DAPK2: variants seen among roughly 807,000 people sequenced by gnomAD.
The protein encoded by DAPK2 is death associated protein kinase 2.
A neutral mutation model predicts 44.1 loss-of-function variants in DAPK2; 35 were observed. The observed-to-expected ratio is 0.79, with a 90% CI of 0.61 to 1.05. The LOEUF (loss-of-function observed/expected upper bound fraction) is 1.05, where lower values mean the gene tolerates loss of function less well. Among genes scored for constraint, DAPK2 ranks in the 50% least tolerant of loss-of-function variants. The probability of loss-of-function intolerance (pLI) is 0.00; values close to 1 mark genes in which losing one functional copy is unlikely to be tolerated. For missense variants in DAPK2, 453 were observed against 483.2 expected, an observed-to-expected ratio of 0.94 and a Z score of 0.59; for synonymous variants, 174 against 182.6, an observed-to-expected ratio of 0.95 and a Z score of 0.38.
chr15:63,925,676 G>GCT (rs1555463543), intron 7 of DAPK2, among the ~76,000 whole-genome samples: 1 of 51,324 alleles, frequency 1.9e-5, no homozygotes, highest in Non-Finnish European at 4.2e-5. Context: ...CTGACTTGTA[G>GCT]CGCACACACA....
chr15:63,908,464 A>G lies in DAPK2; in HGVS notation c.*56T>C. ...CTGAGCTGGGTCCAAAAGTCTGCACAGAAGGGAGCCCCGCTGGGCCCAGAC... is the reference window on the plus strand; with the variant it reads ...CTGAGCTGGGTCCAAAAGTCTGCACGGAAGGGAGCCCCGCTGGGCCCAGAC... On this transcript the variant is annotated 3_prime_UTR_variant, in exon 11 of 11. Coordinates refer to ENST00000261891, the Ensembl canonical transcript of DAPK2. The surrounding 1 kb of genome is among the most constrained non-coding windows in gnomAD (Gnocchi z 5.7). 7.7e-7 allele frequency: 1 copy of G among 1,291,858 alleles called. No individual in the cohort carries two copies. 80.0% of individuals were successfully genotyped at this position (1,291,858 alleles called of 1,614,324 possible). A position where few individuals can be genotyped will look rare whatever the true frequency, so the allele number is the denominator to read the frequency against.
At chr15:64,044,989 A>G (rs966239246), upstream of DAPK2, among the ~76,000 whole-genome samples, 6 of 152,164 alleles carry the variant, frequency 3.9e-5, no homozygotes, top group African/African-American at 1.4e-4. Flanking sequence ...GACCCATCAC[A>G]GTCTCCAATG....
chr15:63,997,950 T>G (rs1447791550), intron 1 of DAPK2, among the ~76,000 whole-genome samples: 1 of 152,232 alleles, frequency 6.6e-6, no homozygotes, highest in African/African-American at 2.4e-5. Flanking sequence ...TCCACACAAG[T>G]GCCCACAATG....
intron 1 of DAPK2, among the ~76,000 whole-genome samples, chr15:64,034,480 G>A (rs1595919895): frequency 6.6e-6 from 1 of 152,332 alleles, no homozygotes; most frequent in Non-Finnish European, 1.5e-5. Context: ...TGCAGGTTGG[G>A]TGTCTGGCAG....
chr15:64,021,871 T>C (rs2079692826), intron 1 of DAPK2, among the ~76,000 whole-genome samples: 1 of 152,162 alleles, frequency 6.6e-6, no homozygotes, highest in Non-Finnish European at 1.5e-5. Flanking sequence ...ATAAAAAGGC[T>C]TGGACTAAGC....
At position 63,916,527 on chromosome 15, in the gene DAPK2, C is replaced by G. The variant is rs369377559; in HGVS notation, c.859-4330G>C. ...GTGGCACCCCTCCACCCCTCCCCTTCGCTGGATGTTTTGATGGCTGAAGCC... is the reference window on the plus strand; with the variant it reads ...GTGGCACCCCTCCACCCCTCCCCTTGGCTGGATGTTTTGATGGCTGAAGCC... On this transcript the variant is annotated intron_variant, in intron 8 of 10. Coordinates refer to ENST00000261891, the Ensembl canonical transcript of DAPK2. The surrounding 1 kb of genome is among the most constrained non-coding windows in gnomAD (Gnocchi z 4.7). The G allele has an allele frequency of 6.6e-6, 1 of 152,386 alleles. No homozygotes were observed. The highest frequency in any genetic ancestry group is 1.5e-5 in the Non-Finnish European group (1 of 68,176). 9.4% of individuals were successfully genotyped at this position (152,386 alleles called of 1,614,324 possible).
chr15:63,957,754 C>A (rs1018143416), intron 3 of DAPK2, among the ~76,000 whole-genome samples: 1 of 152,096 alleles, frequency 6.6e-6, no homozygotes, highest in Non-Finnish European at 1.5e-5. Flanking sequence ...TCCATTCTAT[C>A]ATCGATGGAC....
intron 3 of DAPK2, among the ~76,000 whole-genome samples, chr15:63,944,013 C>A (rs2077386174): frequency 6.6e-6 from 1 of 152,166 alleles, no homozygotes. Context: ...CCCCAGGGTG[C>A]CTTTTCTTCT....
At chr15:63,922,674 G>T in intron 8 of DAPK2, 1 of 1,460,270 alleles carries the variant, frequency 6.8e-7, no homozygotes, top group Non-Finnish European at 9.0e-7. Context: ...GCCGCAGCAG[G>T]GTGGATGAGA....
intron 7 of DAPK2, 59 bp from the exon 9 acceptor site, chr15:63,924,920 T>C (rs2079197146): frequency 1.9e-6 from 3 of 1,577,714 alleles, no homozygotes; most frequent in Non-Finnish European, 2.6e-6. Flanking sequence ...GGAGCAACCA[T>C]CTCCGTTCTC....
chr15:64,045,088 G>C (rs1339691128), upstream of DAPK2, among the ~76,000 whole-genome samples: 3 of 152,184 alleles, frequency 2.0e-5, no homozygotes, highest in Non-Finnish European at 4.4e-5. Context: ...AGCTCCCTTG[G>C]GAAGCCTGCT....
At chr15:63,938,844 T>C (rs2077230911) in intron 4 of DAPK2, among the ~76,000 whole-genome samples, 1 of 152,300 alleles carries the variant, frequency 6.6e-6, no homozygotes, top group African/African-American at 2.4e-5. Context: ...CTTTTTCCTT[T>C]TCAGGAAATC....
At chr15:63,926,067 C>T (rs2079252037) in exon 7 of DAPK2, 4 of 1,612,124 alleles carry the variant, frequency 2.5e-6, no homozygotes, top group African/African-American at 1.3e-5. Context: ...CTTCGTGTCT[C>T]CCAGGAAAGG....
intron 1 of DAPK2, among the ~76,000 whole-genome samples, chr15:64,033,022 G>C (rs2080060740): frequency 6.6e-6 from 1 of 152,140 alleles, no homozygotes; most frequent in African/African-American, 2.4e-5. Context: ...GGAGGTGGAG[G>C]TTGCAGTGAG....
intron 3 of DAPK2, among the ~76,000 whole-genome samples, chr15:63,970,084 C>T (rs1039901377): frequency 6.6e-6 from 1 of 152,240 alleles, no homozygotes; most frequent in Non-Finnish European, 1.5e-5. Context: ...AGCCTCCTAG[C>T]TGAGCCCCAG....
intron 1 of DAPK2, among the ~76,000 whole-genome samples, chr15:64,034,253 G>A (rs2080111732): frequency 6.6e-6 from 1 of 152,096 alleles, no homozygotes; most frequent in South Asian, 2.1e-4. Context: ...CCTAGAGGAT[G>A]TTGTTTCTTT....
At chr15:64,046,419 C>T (rs906775925), upstream of DAPK2, 45 of 319,040 alleles carry the variant, frequency 1.4e-4, no homozygotes, top group Non-Finnish European at 1.9e-4. This position sits in a 1 kb window ranked among gnomAD's most constrained non-coding sequence, Gnocchi z 5.3. Flanking sequence ...GTGCGCTGGG[C>T]TCGGCCCTGC....
intron 3 of DAPK2, among the ~76,000 whole-genome samples, chr15:63,945,497 T>C (rs972303466): frequency 6.6e-6 from 1 of 152,128 alleles, no homozygotes; most frequent in African/African-American, 2.4e-5. Flanking sequence ...GTGATGCGGA[T>C]GGAGCAGGAA....
chr15:63,962,769 G>A (rs11855225), intron 3 of DAPK2, among the ~76,000 whole-genome samples: 2,376 of 152,334 alleles, frequency 0.016, 60 homozygotes, highest in African/African-American at 0.055. Context: ...CTATTGGGAG[G>A]TGTCTCCCAG....
Sources: gnomAD v4.1 joint callset for allele counts (sites outside exome capture counted in the v4.1 genomes callset) on GRCh38, gnomAD v4.1.1 for gene constraint, Gnocchi (gnomAD v3.1) non-coding constraint, MANE v1.5 for transcripts, NCBI Gene and HGNC (gene_info 2026-07-23, HGNC 2026-07-21) for gene names.